The following TMTC2 variants were observed in gnomAD, a reference collection of about 807,000 sequenced individuals.
TMTC2 encodes the protein protein O-mannosyl-transferase TMTC2.
Under a neutral mutation model 82.4 loss-of-function variants are expected in TMTC2, and 43 were observed. That is an observed-to-expected ratio of 0.52 (90% CI 0.41 to 0.67). TMTC2 has a LOEUF of 0.67. TMTC2 is among the 30% of genes least tolerant of loss of function. TMTC2 has a pLI of 0.00. For synonymous variants in TMTC2, 408 were observed against 381.9 expected, an observed-to-expected ratio of 1.07 and a Z score of -0.80; for missense variants, 919 against 1,012.4, an observed-to-expected ratio of 0.91 and a Z score of 1.25.
intron 8 of TMTC2, among the ~76,000 whole-genome samples, chr12:82,992,931 C>A (rs1879458476): frequency 6.6e-6 from 1 of 152,222 alleles, no homozygotes; most frequent in South Asian, 2.1e-4. Flanking sequence ...CATTAAAGGC[C>A]ACATGAGATA....
chr12:82,970,457 G>A (rs1031272220), intron 7 of TMTC2, among the ~76,000 whole-genome samples: 1 of 151,030 alleles, frequency 6.6e-6, no homozygotes, highest in Admixed American at 6.6e-5. Context: ...TCAGCCTCCC[G>A]AGTAGCTGGG....
intron 4 of TMTC2, among the ~76,000 whole-genome samples, chr12:82,949,186 G>T (rs1877209278): frequency 6.6e-6 from 1 of 152,168 alleles, no homozygotes; most frequent in South Asian, 2.1e-4. Flanking sequence ...TCTTCTCCAA[G>T]AAATTACATA....
intron 1 of TMTC2, among the ~76,000 whole-genome samples, chr12:82,739,858 ATAGAACCAGTATTG>A (rs1241240470): frequency 6.6e-6 from 1 of 150,828 alleles, no homozygotes; most frequent in Non-Finnish European, 1.5e-5. Context: ...AGAGTTGACT[ATAGAACCAGTATTG>A]TAGAACCAGT....
rs537488932 is a variant in TMTC2 at position 82,691,094 on chromosome 12, C to A, written c.83+3425C>A. ...CACATATCTTCTAATTGGTGACATGCCCTTTTTATACATCGACAAGTAAAT... is the reference window on the plus strand; with the variant it reads ...CACATATCTTCTAATTGGTGACATGACCTTTTTATACATCGACAAGTAAAT... On this transcript the variant is annotated intron_variant, in intron 1 of 11. Coordinates refer to ENST00000321196, the MANE Select transcript of TMTC2 (RefSeq NM_152588.3). 2.1e-3 allele frequency among the ~76,000 whole-genome samples: 320 copies of A among 152,228 alleles called. 1 individual carries two copies. Among genetic ancestry groups the A allele is most frequent in the Non-Finnish European group, 3.3e-3 (226 of 67,992 alleles).
intron 8 of TMTC2, among the ~76,000 whole-genome samples, chr12:83,002,658 C>G (rs1375241306): frequency 1.3e-5 from 2 of 151,902 alleles, no homozygotes; most frequent in Admixed American, 6.6e-5. Context: ...TGTTGTTTAC[C>G]CAAAAGTCAT....
At chr12:83,055,942 A>G (rs1050570769) in intron 10 of TMTC2, among the ~76,000 whole-genome samples, 4 of 151,964 alleles carry the variant, frequency 2.6e-5, no homozygotes, top group Admixed American at 2.0e-4. Context: ...TGTATTTACC[A>G]CTGGTAAAGC....
chr12:82,786,345 A>G (rs1388890465), intron 1 of TMTC2, among the ~76,000 whole-genome samples: 1 of 152,094 alleles, frequency 6.6e-6, no homozygotes, highest in Non-Finnish European at 1.5e-5. Context: ...GGTATAAGGC[A>G]ATAATGGAAA....
chr12:82,944,397 A>T (rs1398388386), intron 4 of TMTC2, among the ~76,000 whole-genome samples: 196 of 152,112 alleles, frequency 1.3e-3, no homozygotes, highest in African/African-American at 4.5e-3. Flanking sequence ...ATCCTGGCTA[A>T]CACGGTGAAA....
At chr12:83,076,767 T>G (rs1321715108) in intron 11 of TMTC2, among the ~76,000 whole-genome samples, 1 of 152,226 alleles carries the variant, frequency 6.6e-6, no homozygotes, top group East Asian at 1.9e-4. Flanking sequence ...TAAGTCTTTG[T>G]TCTCTCCCTC....
chr12:82,878,098 A>G lies in TMTC2; in HGVS notation c.655-17720A>G, dbSNP rs141708414. 4.0e-3 allele frequency among the ~76,000 whole-genome samples: 613 copies of G among 152,318 alleles called. 2 individuals are homozygous for G. The highest frequency in any genetic ancestry group is 0.014 in the African/African-American group (591 of 41,568). On this transcript the variant is annotated intron_variant, in intron 2 of 11. Coordinates refer to ENST00000321196, the MANE Select transcript of TMTC2 (RefSeq NM_152588.3). The stretch of plus-strand genomic sequence containing the variant: ...TGGTTCATTGTTCTTTTGTTCATTC[A>G]TTCAGTCATTTGCTCAATCATTCAT...
chr12:82,946,139 T>C (rs930002334), intron 4 of TMTC2, among the ~76,000 whole-genome samples: 2 of 152,160 alleles, frequency 1.3e-5, no homozygotes, highest in Non-Finnish European at 2.9e-5. Context: ...TTTAAAACAT[T>C]GCATGTATTA....
intron 11 of TMTC2, 39 bp from the exon 12 acceptor site, chr12:83,132,171 A>C: frequency 6.4e-7 from 1 of 1,550,524 alleles, no homozygotes; most frequent in Non-Finnish European, 8.7e-7. Context: ...AAAGCTTGAA[A>C]TGGCCTCCTA....
chr12:83,026,795 G>A (rs2137415363), intron 8 of TMTC2, among the ~76,000 whole-genome samples: 1 of 150,924 alleles, frequency 6.6e-6, no homozygotes, highest in African/African-American at 2.4e-5. Context: ...ATAAACCATT[G>A]ATCAGTGATT....
At chr12:83,012,630 A>G (rs2137389133) in intron 8 of TMTC2, among the ~76,000 whole-genome samples, 1 of 152,270 alleles carries the variant, frequency 6.6e-6, no homozygotes, top group East Asian at 1.9e-4. Flanking sequence ...AAATTTATAT[A>G]TTCATTTTTT....
chr12:83,105,895 G>T (rs566874256), intron 11 of TMTC2, among the ~76,000 whole-genome samples: 31 of 152,236 alleles, frequency 2.0e-4, no homozygotes, highest in African/African-American at 7.5e-4. Context: ...TAATCACCAT[G>T]AATGGGAATC....
At chr12:82,785,084 G>T (rs1878110070) in intron 1 of TMTC2, among the ~76,000 whole-genome samples, 1 of 152,054 alleles carries the variant, frequency 6.6e-6, no homozygotes, top group Non-Finnish European at 1.5e-5. Flanking sequence ...TAAAGATGTA[G>T]TCATGTATAG....
In TMTC2 at chr12:83,035,064, G is replaced by A. The variant is rs770948564; in HGVS notation, c.2152+4185G>A. ...CAAATGCCAATGAAAGTGCCAGAGT[G>A]AGTGAGTTTTGTATGGGAAATCCAC... On this transcript the variant is annotated intron_variant, in intron 9 of 11. Transcript: ENST00000321196. Among the ~76,000 whole-genome samples the A allele has an allele frequency of 3.9e-5, 6 of 152,266 alleles. No homozygotes were observed. The South Asian group carries it at 8.3e-4, about 21-fold the overall frequency.
intron 9 of TMTC2, among the ~76,000 whole-genome samples, chr12:83,048,073 G>A (rs1882209137): frequency 6.6e-6 from 1 of 152,120 alleles, no homozygotes; most frequent in South Asian, 2.1e-4. Flanking sequence ...ATTATCCTTT[G>A]TTTGAATACC....
intron 2 of TMTC2, among the ~76,000 whole-genome samples, chr12:82,859,095 G>A (rs989418978): frequency 6.8e-6 from 1 of 147,832 alleles, no homozygotes; most frequent in Non-Finnish European, 1.5e-5. Context: ...TTGACGCGGA[G>A]TCTCACACTG....
Sources: allele counts gnomAD v4.1 joint callset (sites outside exome capture counted in the v4.1 genomes callset), GRCh38; gene constraint gnomAD v4.1.1; transcripts MANE v1.5; gene names NCBI Gene and HGNC (gene_info 2026-07-23, HGNC 2026-07-21).